CLSTN2: variants seen among roughly 807,000 people sequenced by gnomAD.
CLSTN2 encodes calsyntenin-2.
In CLSTN2, 48 loss-of-function variants were observed where a neutral mutation model predicts 101.2. The ratio of observed to expected loss-of-function variants is 0.47; its 90% CI spans 0.38 to 0.60. CLSTN2 has a LOEUF of 0.60. Ranked by LOEUF, CLSTN2 falls within the 20% of genes least tolerant of loss-of-function variation. The pLI, the probability that CLSTN2 is intolerant of heterozygous loss-of-function variation, is 0.00. For missense variants in CLSTN2, 1,160 were observed against 1,238.2 expected, an observed-to-expected ratio of 0.94 and a Z score of 0.95; for synonymous variants, 481 against 463.6, an observed-to-expected ratio of 1.04 and a Z score of -0.48.
At chr3:140,497,481 A>G (rs1934491954) in intron 8 of CLSTN2, among the ~76,000 whole-genome samples, 1 of 152,188 alleles carries the variant, frequency 6.6e-6, no homozygotes, top group South Asian at 2.1e-4. Flanking sequence ...CCAGCAGGCT[A>G]GAATGGCTGA....
intron 1 of CLSTN2, among the ~76,000 whole-genome samples, chr3:140,037,493 G>A (rs960050900): frequency 3.3e-5 from 5 of 151,660 alleles, no homozygotes; most frequent in Non-Finnish European, 7.4e-5. Context: ...TCTGGATGAT[G>A]TTATGTAGTT....
chr3:140,564,482 G>C (rs1935992333), intron 16 of CLSTN2, among the ~76,000 whole-genome samples: 1 of 152,196 alleles, frequency 6.6e-6, no homozygotes, highest in South Asian at 2.1e-4. Flanking sequence ...CTAACACTTA[G>C]GGACTCAGTA....
chr3:140,543,915 A>C (rs1023164197), intron 9 of CLSTN2, among the ~76,000 whole-genome samples: 1 of 152,188 alleles, frequency 6.6e-6, no homozygotes, highest in Admixed American at 6.5e-5. Flanking sequence ...TCCACCCCTC[A>C]ATCAATCACA....
chr3:140,119,413 A>T (rs2107798478), intron 1 of CLSTN2, among the ~76,000 whole-genome samples: 1 of 152,378 alleles, frequency 6.6e-6, no homozygotes, highest in East Asian at 1.9e-4. Flanking sequence ...TCAAGTAATA[A>T]GTCTAAAACA....
intron 1 of CLSTN2, among the ~76,000 whole-genome samples, chr3:140,136,390 G>A (rs1278118631): frequency 2.0e-5 from 3 of 152,138 alleles, no homozygotes; most frequent in Admixed American, 1.3e-4. Context: ...TGGACACAAT[G>A]GTATTTCTCT....
At chr3:139,974,054 C>T (rs1935769457) in intron 1 of CLSTN2, among the ~76,000 whole-genome samples, 1 of 152,156 alleles carries the variant, frequency 6.6e-6, no homozygotes, top group African/African-American at 2.4e-5. Flanking sequence ...TGAAGCCTGG[C>T]CCTGGAACTT....
At chr3:140,565,686 T>A (rs573906493) in intron 16 of CLSTN2, among the ~76,000 whole-genome samples, 1 of 152,294 alleles carries the variant, frequency 6.6e-6, no homozygotes, top group East Asian at 1.9e-4. Context: ...AAGCAAACAC[T>A]AAGGCTTGGA....
intron 1 of CLSTN2, among the ~76,000 whole-genome samples, chr3:140,075,467 T>C (rs2008470745): frequency 6.6e-6 from 1 of 152,244 alleles, no homozygotes; most frequent in African/African-American, 2.4e-5. Flanking sequence ...AGGAGAGTTT[T>C]CTGTTTTATC....
In CLSTN2 at chr3:140,560,797, C is replaced by G. The variant is rs58343475; in HGVS notation, c.2042-1341C>G. Among the ~76,000 whole-genome samples, 318 of 152,214 alleles carry G rather than the reference C, an allele frequency of 2.1e-3. 1 individual carries two copies. Among genetic ancestry groups the G allele is most frequent in the African/African-American group, 7.1e-3 (297 of 41,540 alleles). On this transcript the variant is annotated intron_variant, in intron 12 of 16. Transcript: ENST00000458420. ...GAGGTAGGAACAAGGACGATATGAC[C>G]AGACCTGACAAGAAGCCGGCAAAAA...
Position 140,570,109 on chromosome 3 carries a change from C to A in CLSTN2, c.*3856C>A, listed in dbSNP as rs928203199. On this transcript the variant is annotated 3_prime_UTR_variant, in exon 17 of 17. Coordinates refer to ENST00000458420, the MANE Select transcript of CLSTN2 (RefSeq NM_022131.3). ...TGAGAGAGCTGGGGGTGGTGAGAAGCAATGTCCCCCATTCCTATATGTCAG... is the reference window on the plus strand; with the variant it reads ...TGAGAGAGCTGGGGGTGGTGAGAAGAAATGTCCCCCATTCCTATATGTCAG... 1.3e-5 allele frequency: 2 copies of A among 152,122 alleles called. No homozygotes were observed. The highest frequency in any genetic ancestry group is 2.9e-5 in the Non-Finnish European group (2 of 68,038). The allele number at this position is 152,122 out of a possible 1,614,324, so 9.4% of individuals were successfully genotyped here.
At chr3:140,397,346 A>C (rs2107974579) in intron 2 of CLSTN2, among the ~76,000 whole-genome samples, 1 of 152,308 alleles carries the variant, frequency 6.6e-6, no homozygotes, top group African/African-American at 2.4e-5. Flanking sequence ...GATAATATTA[A>C]GTTATAGATA....
chr3:140,171,731 TAA>T (rs1164379236), intron 1 of CLSTN2, among the ~76,000 whole-genome samples: 40 of 112,228 alleles, frequency 3.6e-4, no homozygotes, highest in Admixed American at 1.2e-3. Flanking sequence ...ATATTATATA[TAA>T]TATATTAATA....
intron 2 of CLSTN2, among the ~76,000 whole-genome samples, chr3:140,276,170 G>T (rs976265586): frequency 6.6e-6 from 1 of 152,158 alleles, no homozygotes; most frequent in East Asian, 1.9e-4. Flanking sequence ...CCATGGGCAT[G>T]GGAACAGTGG....
chr3:140,362,219 C>A (rs1277568311), intron 2 of CLSTN2, among the ~76,000 whole-genome samples: 1 of 152,142 alleles, frequency 6.6e-6, no homozygotes, highest in Non-Finnish European at 1.5e-5. Flanking sequence ...TAATGAAGGG[C>A]AGTTGTTGCA....
In CLSTN2 at chr3:140,423,850, T is replaced by C. The variant is rs1048601400; in HGVS notation, c.787+2576T>C. ...CGTGCCCACCCTATCTAAAGAAAGT[T>C]CAAATGTTTAGGCAACCGGGATTAG... On this transcript the variant is annotated intron_variant, in intron 5 of 16. Transcript: ENST00000458420. 2.6e-5 allele frequency among the ~76,000 whole-genome samples: 4 copies of C among 152,172 alleles called. No individual in the cohort carries two copies. In the East Asian group the frequency reaches 7.7e-4, roughly 29 times the overall value.
chr3:140,138,442 G>T lies in CLSTN2; in HGVS notation c.110-37509G>T, dbSNP rs140831322. ...GCTTAGGGAAAAGCATCCTTCCTGG[G>T]TTGGAGTCCACCTGAGGTAAGTGCA... is the stretch of plus-strand genomic sequence containing the variant. On this transcript the variant is annotated intron_variant, in intron 1 of 16. Coordinates refer to ENST00000458420, the MANE Select transcript of CLSTN2 (RefSeq NM_022131.3). 3.1e-3 allele frequency among the ~76,000 whole-genome samples: 478 copies of T among 152,308 alleles called. 2 individuals carry two copies. Among genetic ancestry groups the T allele is most frequent in the Non-Finnish European group, 5.4e-3 (365 of 68,038 alleles).
chr3:140,450,215 T>C (rs1483098546), intron 6 of CLSTN2, among the ~76,000 whole-genome samples: 1 of 152,124 alleles, frequency 6.6e-6, no homozygotes, highest in East Asian at 1.9e-4. Context: ...AAATGACCTG[T>C]CTAAGGTCAC....
chr3:140,328,977 T>A (rs999662808), intron 2 of CLSTN2, among the ~76,000 whole-genome samples: 2 of 152,202 alleles, frequency 1.3e-5, no homozygotes, highest in South Asian at 4.1e-4. Flanking sequence ...AGTATCCAAA[T>A]TGTAGTCTTG....
chr3:140,006,014 C>A (rs549217692), intron 1 of CLSTN2, among the ~76,000 whole-genome samples: 1 of 152,310 alleles, frequency 6.6e-6, no homozygotes, highest in African/African-American at 2.4e-5. Context: ...TTCATTCGTA[C>A]TACTGCTAAT....
Sources: allele counts gnomAD v4.1 joint callset (sites outside exome capture counted in the v4.1 genomes callset), GRCh38; gene constraint gnomAD v4.1.1; transcripts MANE v1.5; gene names NCBI Gene and HGNC (gene_info 2026-07-23, HGNC 2026-07-21).